SLC4A5: variants seen among roughly 807,000 people sequenced by gnomAD.
SLC4A5 encodes the protein electrogenic sodium bicarbonate cotransporter 4.
In SLC4A5, 96 loss-of-function variants were observed where a neutral mutation model predicts 120.4. The observed-to-expected ratio is 0.80, with a 90% CI of 0.68 to 0.94. The LOEUF (loss-of-function observed/expected upper bound fraction) is 0.94. Ranked by LOEUF, SLC4A5 falls within the 40% of genes least tolerant of loss-of-function variation. The pLI is 0.00. For synonymous variants in SLC4A5, 550 were observed against 571.1 expected (o/e 0.96, Z 0.53); for missense variants, 1,259 against 1,459.5 (o/e 0.86, Z 2.24).
chr2:74,286,157 T>G (rs1671976001), intron 7 of SLC4A5, among the ~76,000 whole-genome samples: 1 of 152,122 alleles, frequency 6.6e-6, no homozygotes, highest in Non-Finnish European at 1.5e-5. Flanking sequence ...CAGTGAAGAA[T>G]GATGGGAAAT....
intron 4 of SLC4A5, among the ~76,000 whole-genome samples, chr2:74,328,963 G>A (rs1300865183): frequency 6.6e-6 from 1 of 151,796 alleles, no homozygotes; most frequent in East Asian, 1.9e-4. Context: ...GACACCAAAA[G>A]CTAGAGACAT....
intron 5 of SLC4A5, among the ~76,000 whole-genome samples, chr2:74,326,254 C>G (rs993544660): frequency 6.6e-6 from 1 of 152,126 alleles, no homozygotes; most frequent in Non-Finnish European, 1.5e-5. Flanking sequence ...AATATCTTGC[C>G]AAAGGAATTG....
At chr2:74,333,950 A>T (rs1253340118) in intron 4 of SLC4A5, 77 bp downstream of exon 4, 1 of 152,140 alleles carries the variant, frequency 6.6e-6, no homozygotes, top group East Asian at 1.9e-4. Flanking sequence ...GGGACTAAGG[A>T]TTCATTTGGG....
At chr2:74,281,223 G>C in intron 8 of SLC4A5, among the ~76,000 whole-genome samples, 1 of 152,188 alleles carries the variant, frequency 6.6e-6, no homozygotes, top group Non-Finnish European at 1.5e-5. Flanking sequence ...TCGTGTTTAT[G>C]GTCTGCTCTG....
intron 22 of SLC4A5, among the ~76,000 whole-genome samples, chr2:74,233,856 A>G (rs1447747966): frequency 6.6e-6 from 1 of 152,236 alleles, no homozygotes; most frequent in Non-Finnish European, 1.5e-5. Context: ...GAGAGAGAGC[A>G]CAGTCACCTG....
At chr2:74,318,432 C>A (rs1242611991) in intron 5 of SLC4A5, among the ~76,000 whole-genome samples, 1 of 152,136 alleles carries the variant, frequency 6.6e-6, no homozygotes, top group African/African-American at 2.4e-5. Flanking sequence ...TGCCTGTAAT[C>A]CCAGCACTTT....
At chr2:74,276,012 T>C (rs1323400338) in intron 8 of SLC4A5, among the ~76,000 whole-genome samples, 1 of 152,186 alleles carries the variant, frequency 6.6e-6, no homozygotes, top group Non-Finnish European at 1.5e-5. Context: ...CAGATTGGGG[T>C]TGAAATATCA....
intron 2 of SLC4A5, among the ~76,000 whole-genome samples, chr2:74,340,662 A>G (rs766216443): frequency 1.3e-5 from 2 of 152,190 alleles, no homozygotes; most frequent in Non-Finnish European, 2.9e-5. Flanking sequence ...TAAAAGAATC[A>G]CCATGTTCCA....
At chr2:74,307,528 C>A in intron 6 of SLC4A5, 1 of 621,048 alleles carries the variant, frequency 1.6e-6, no homozygotes, top group South Asian at 1.4e-5. Context: ...ACTCTAAAGT[C>A]ATTGGCAGCA....
chr2:74,322,117 A>G (rs1275347372), intron 5 of SLC4A5, among the ~76,000 whole-genome samples: 3 of 152,146 alleles, frequency 2.0e-5, no homozygotes, highest in Non-Finnish European at 2.9e-5. Context: ...AGGCAGAAGG[A>G]TAAGACAAAT....
At chr2:74,243,050 C>T (rs1384940716) in intron 19 of SLC4A5, among the ~76,000 whole-genome samples, 1 of 152,342 alleles carries the variant, frequency 6.6e-6, no homozygotes, top group East Asian at 1.9e-4. Flanking sequence ...GAAAGTTAAA[C>T]CAAAGTCCAG....
chr2:74,328,211 CTG>C (rs1573108842), intron 4 of SLC4A5, 25 bp from the exon 5 acceptor site: 1 of 985,404 alleles, frequency 1.0e-6, no homozygotes, highest in East Asian at 1.1e-4. Flanking sequence ...GAAGGGCTCT[CTG>C]TGGTTTCCAG....
chr2:74,290,947 G>C (rs1344302955), intron 7 of SLC4A5, among the ~76,000 whole-genome samples: 1 of 152,082 alleles, frequency 6.6e-6, no homozygotes, highest in Non-Finnish European at 1.5e-5. Context: ...GCCTCCTTAG[G>C]AGCCTTGGTG....
chr2:74,227,898 T>G lies in SLC4A5; in HGVS notation c.2848-20A>C. 6.3e-7 allele frequency: 1 copy of G among 1,584,852 alleles called. No homozygotes were observed. The highest frequency in any genetic ancestry group is 8.6e-7 in the Non-Finnish European group (1 of 1,166,004). ...GATACACTAAAATGAGAGCAGAGCT[T>G]TGGATCGGCCTCTGCCTGGGGCGGC... On this transcript the variant is annotated intron_variant, in intron 25 of 30. Transcript: ENST00000394019.
At chr2:74,301,479 C>T (rs375515448) in intron 7 of SLC4A5, among the ~76,000 whole-genome samples, 24 of 152,228 alleles carry the variant, frequency 1.6e-4, no homozygotes, top group South Asian at 6.2e-4. Flanking sequence ...CTGGGCTATG[C>T]AGCCAGACCA....
chr2:74,321,892 AC>A (rs1177690230), intron 5 of SLC4A5, among the ~76,000 whole-genome samples: 1 of 151,200 alleles, frequency 6.6e-6, no homozygotes, highest in East Asian at 1.9e-4. Context: ...TAGTCATGTG[AC>A]CCTATTCTAG....
chr2:74,290,711 G>C (rs1347463853), intron 7 of SLC4A5: 4 of 985,510 alleles, frequency 4.1e-6, no homozygotes, highest in Non-Finnish European at 4.8e-6. Context: ...GCACTAGAGA[G>C]AGAAAGGCTC....
At chr2:74,335,764 C>G (rs927148168) in intron 3 of SLC4A5, among the ~76,000 whole-genome samples, 3 of 152,154 alleles carry the variant, frequency 2.0e-5, no homozygotes, top group Non-Finnish European at 4.4e-5. Flanking sequence ...TAGAAATAAA[C>G]TCGCCTAGAA....
intron 7 of SLC4A5, among the ~76,000 whole-genome samples, chr2:74,293,630 G>A (rs1438702431): frequency 4.6e-5 from 7 of 152,206 alleles, no homozygotes; most frequent in Non-Finnish European, 4.4e-5. Flanking sequence ...CCAGAGAGGG[G>A]GCTGAGAAGG....
Sources: gnomAD v4.1 joint callset for allele counts (sites outside exome capture counted in the v4.1 genomes callset) on GRCh38, gnomAD v4.1.1 for gene constraint, MANE v1.5 for transcripts, NCBI Gene and HGNC (gene_info 2026-07-23, HGNC 2026-07-21) for gene names.